Variants in CDON observed in about 807,000 individuals in gnomAD.
CDON encodes the protein cell adhesion molecule-related/down-regulated by oncogenes.
Under a neutral mutation model 120.9 loss-of-function variants are expected in CDON, and 73 were observed. The ratio of observed to expected loss-of-function variants is 0.60; its 90% CI spans 0.50 to 0.73. The LOEUF is 0.73. Among genes scored for constraint, CDON ranks in the 30% least tolerant of loss-of-function variants. The probability of loss-of-function intolerance (pLI) is 0.00; values close to 1 mark genes in which losing one functional copy is unlikely to be tolerated. For synonymous variants in CDON, 566 were observed against 573.5 expected (o/e 0.99, Z 0.19); for missense variants, 1,470 against 1,587.3 (o/e 0.93, Z 1.26).
At chr11:125,980,694 C>T (rs943899127) in intron 17 of CDON, among the ~76,000 whole-genome samples, 5 of 152,220 alleles carry the variant, frequency 3.3e-5, no homozygotes, top group African/African-American at 4.8e-5. Flanking sequence ...ATCTGCCTGA[C>T]TCTTTTCGGC....
intron 17 of CDON, among the ~76,000 whole-genome samples, chr11:125,980,763 A>T (rs1946272513): frequency 6.6e-6 from 1 of 152,206 alleles, no homozygotes; most frequent in Admixed American, 6.5e-5. Flanking sequence ...TGGTATTTCC[A>T]TTTCATCTAA....
In CDON at chr11:125,994,901, G is replaced by A. The variant is rs201477655; in HGVS notation, c.2514C>T (p.Val838=). The A allele has an allele frequency of 2.5e-6, 4 of 1,614,058 alleles. No individual in the cohort carries two copies. In the East Asian group the frequency reaches 6.7e-5, roughly 27 times the overall value. The change falls in exon 13 of 20, where the codon GTC becomes GTT. Residue 838 remains valine, a synonymous_variant. Coordinates refer to ENST00000531738, the MANE Select transcript of CDON (RefSeq NM_001378964.1). ...ACTTTAGCATGATCTGAGTATCGCTGACAGCCTCTGTGTATGCAATGTGAG... is the reference window on the plus strand; with the variant it reads ...ACTTTAGCATGATCTGAGTATCGCTAACAGCCTCTGTGTATGCAATGTGAG... ...TGPHIAYTEA[V]SDTQIMLKWT...
intron 15 of CDON, among the ~76,000 whole-genome samples, chr11:125,986,765 C>CAAA (rs34891949): frequency 4.3e-5 from 6 of 138,812 alleles, no homozygotes; most frequent in African/African-American, 1.6e-4. Flanking sequence ...GACTCCATCT[C>CAAA]AAAAAAAAAA....
At chr11:126,012,805 C>T (rs1180222248) in intron 7 of CDON, among the ~76,000 whole-genome samples, 2 of 152,170 alleles carry the variant, frequency 1.3e-5, no homozygotes, top group Non-Finnish European at 2.9e-5. Context: ...CAACAGCCAT[C>T]ATAATGGCCA....
chr11:125,977,799 G>T (rs1339898127), intron 18 of CDON, among the ~76,000 whole-genome samples: 1 of 150,480 alleles, frequency 6.6e-6, no homozygotes, highest in Non-Finnish European at 1.5e-5. Context: ...TCAAAGCAAG[G>T]GTTTGCTGCT....
intron 6 of CDON, among the ~76,000 whole-genome samples, chr11:126,016,881 G>A (rs761918903): frequency 7.9e-5 from 12 of 152,040 alleles, no homozygotes; most frequent in Non-Finnish European, 1.3e-4. Flanking sequence ...GTGAGGTTCC[G>A]AAGAATATTC....
intron 18 of CDON, among the ~76,000 whole-genome samples, chr11:125,976,508 A>C (rs1946152627): frequency 6.6e-6 from 1 of 152,166 alleles, no homozygotes; most frequent in Non-Finnish European, 1.5e-5. Context: ...CATTAACTTG[A>C]AAATTAATAG....
intron 11 of CDON, among the ~76,000 whole-genome samples, chr11:126,000,954 T>C (rs752179473): frequency 2.6e-5 from 4 of 152,120 alleles, no homozygotes; most frequent in Non-Finnish European, 4.4e-5. Context: ...AAGTGTGAAA[T>C]TGAAATACTA....
chr11:126,035,976 C>T (rs1482726198), intron 1 of CDON, among the ~76,000 whole-genome samples: 2 of 152,118 alleles, frequency 1.3e-5, no homozygotes, highest in Non-Finnish European at 2.9e-5. Flanking sequence ...CGGCAGTGGC[C>T]AGATTGTAAC....
intron 1 of CDON, among the ~76,000 whole-genome samples, chr11:126,028,187 C>T (rs757702249): frequency 6.6e-6 from 1 of 151,864 alleles, no homozygotes; most frequent in African/African-American, 2.4e-5. Flanking sequence ...AATACATAAA[C>T]GTATAAAAAG....
chr11:125,965,385 TC>T (rs1464397811), intron 18 of CDON, among the ~76,000 whole-genome samples: 1 of 152,176 alleles, frequency 6.6e-6, no homozygotes, highest in Non-Finnish European at 1.5e-5. Context: ...ACCAAAGTAC[TC>T]GAGGGGCTGA....
intron 16 of CDON, 129 bp downstream of exon 16, chr11:125,983,743 T>C (rs1291606370): frequency 1.3e-6 from 1 of 750,214 alleles, no homozygotes; most frequent in Non-Finnish European, 2.3e-6. Flanking sequence ...CTCCTCTGAA[T>C]GAAGAGTATC....
chr11:126,044,857 A>C (rs1207031635), intron 1 of CDON, among the ~76,000 whole-genome samples: 4 of 152,158 alleles, frequency 2.6e-5, no homozygotes, highest in African/African-American at 9.7e-5. Context: ...ACAGTTACCA[A>C]TAATTTATTG....
In CDON at chr11:125,960,192, A is replaced by G. The variant is rs1043261785; in HGVS notation, c.*750T>C. The G allele has an allele frequency of 6.6e-6, 1 of 152,252 alleles. No individual in the cohort carries two copies. Among genetic ancestry groups the G allele is most frequent in the Non-Finnish European group, 1.5e-5 (1 of 68,078 alleles). The allele number at this position is 152,252 out of a possible 1,614,324, so 9.4% of individuals were successfully genotyped here. ...TGGGTCACAACTGCAGTTGATTTCA[A>G]AGTGTTCTCAGGAAGTCTGATAATA... is the stretch of plus-strand genomic sequence containing the variant. On this transcript the variant is annotated 3_prime_UTR_variant, in exon 20 of 20. Transcript: ENST00000531738.
chr11:125,986,033 A>G (rs1450443240), intron 15 of CDON, among the ~76,000 whole-genome samples: 4 of 152,356 alleles, frequency 2.6e-5, no homozygotes, highest in African/African-American at 7.2e-5. Context: ...TTAGTGCGGC[A>G]CTATTCACAA....
intron 1 of CDON, among the ~76,000 whole-genome samples, chr11:126,053,988 T>C (rs1314182453): frequency 2.0e-5 from 3 of 152,190 alleles, no homozygotes; most frequent in Non-Finnish European, 2.9e-5. Flanking sequence ...CTATTTTTCT[T>C]TTTATTGGAA....
At chr11:126,054,567 T>C (rs590632) in intron 1 of CDON, among the ~76,000 whole-genome samples, 3 of 152,176 alleles carry the variant, frequency 2.0e-5, no homozygotes, top group African/African-American at 7.2e-5. Flanking sequence ...TGTGTTGAAA[T>C]CATTCATGGA....
intron 2 of CDON, among the ~76,000 whole-genome samples, chr11:126,022,387 C>G (rs969648969): frequency 6.6e-6 from 1 of 152,062 alleles, no homozygotes; most frequent in African/African-American, 2.4e-5. Flanking sequence ...AATACAAAGG[C>G]TATCCTTTCT....
At chr11:126,001,293 T>C (rs946058216) in intron 11 of CDON, among the ~76,000 whole-genome samples, 5 of 151,656 alleles carry the variant, frequency 3.3e-5, no homozygotes, top group East Asian at 3.9e-4. Context: ...ACTCAAGCGA[T>C]CCTCCCACCT....
Sources: gnomAD v4.1 joint callset for allele counts (sites outside exome capture counted in the v4.1 genomes callset) on GRCh38, gnomAD v4.1.1 for gene constraint, MANE v1.5 for transcripts, NCBI Gene and HGNC (gene_info 2026-07-23, HGNC 2026-07-21) for gene names.